FAM107B: variants seen among roughly 807,000 people sequenced by gnomAD.
FAM107B encodes the protein family with sequence similarity 107 member B.
A neutral mutation model predicts 31.5 loss-of-function variants in FAM107B; 21 were observed. The ratio of observed to expected loss-of-function variants is 0.67; its 90% CI spans 0.47 to 0.96. The LOEUF (loss-of-function observed/expected upper bound fraction) is 0.96. FAM107B is among the 40% of genes least tolerant of loss of function. The probability of loss-of-function intolerance (pLI) is 0.00; values close to 1 mark genes in which losing one functional copy is unlikely to be tolerated. For synonymous variants in FAM107B, 157 were observed against 141.5 expected (o/e 1.11, Z -0.78); for missense variants, 452 against 377.1 (o/e 1.20, Z -1.64).
At chr10:14,592,542 C>G (rs1467546456) in intron 2 of FAM107B, among the ~76,000 whole-genome samples, 1 of 152,086 alleles carries the variant, frequency 6.6e-6, no homozygotes. Flanking sequence ...GCATTTCTAC[C>G]CAGGGGTTTT....
intron 1 of FAM107B, among the ~76,000 whole-genome samples, chr10:14,757,412 C>T (rs1433524347): frequency 6.6e-6 from 1 of 151,866 alleles, no homozygotes; most frequent in East Asian, 1.9e-4. Flanking sequence ...GCCCCTATAA[C>T]TGCATGGATC....
At chr10:14,538,914 C>T (rs1260432959) in intron 2 of FAM107B, among the ~76,000 whole-genome samples, 1 of 152,190 alleles carries the variant, frequency 6.6e-6, no homozygotes, top group East Asian at 1.9e-4. Context: ...AATTATTTAA[C>T]CTGAGTCTTG....
At chr10:14,759,780 C>G (rs1011145446) in intron 1 of FAM107B, among the ~76,000 whole-genome samples, 1 of 151,664 alleles carries the variant, frequency 6.6e-6, no homozygotes, top group African/African-American at 2.4e-5. Flanking sequence ...AGTGCGATCT[C>G]GGTTCACTGC....
chr10:14,588,703 C>A (rs1851922162), intron 2 of FAM107B, among the ~76,000 whole-genome samples: 1 of 152,120 alleles, frequency 6.6e-6, no homozygotes, highest in South Asian at 2.1e-4. Flanking sequence ...TCCACTCCTC[C>A]CCACCCATCA....
At chr10:14,576,848 A>G (rs1466182894) in intron 2 of FAM107B, among the ~76,000 whole-genome samples, 2 of 152,344 alleles carry the variant, frequency 1.3e-5, no homozygotes, top group East Asian at 3.9e-4. Context: ...AGAAATGATT[A>G]GATCCCTGAA....
intron 2 of FAM107B, among the ~76,000 whole-genome samples, chr10:14,639,914 CTTAACT>C (rs769772298): frequency 1.8e-4 from 28 of 152,214 alleles, no homozygotes; most frequent in African/African-American, 5.1e-4. Flanking sequence ...AAAGGCTTAT[CTTAACT>C]TTAACTTTAA....
intron 1 of FAM107B, among the ~76,000 whole-genome samples, chr10:14,704,440 T>C (rs911614312): frequency 6.6e-6 from 1 of 152,188 alleles, no homozygotes; most frequent in Admixed American, 6.5e-5. Flanking sequence ...AAAAATATTG[T>C]GTGGTTGTAG....
intron 2 of FAM107B, among the ~76,000 whole-genome samples, chr10:14,632,610 CAA>C (rs5783414): frequency 5.0e-4 from 45 of 90,512 alleles, no homozygotes; most frequent in East Asian, 1.4e-3. Context: ...GACTCTGTCT[CAA>C]AAAAAAAAAA....
At chr10:14,597,044 C>G (rs1046142541) in intron 2 of FAM107B, among the ~76,000 whole-genome samples, 3 of 152,142 alleles carry the variant, frequency 2.0e-5, no homozygotes, top group Admixed American at 6.5e-5. Flanking sequence ...CTCTCTCTTT[C>G]CGATACACTA....
intron 1 of FAM107B, among the ~76,000 whole-genome samples, chr10:14,734,504 T>A (rs1856252090): frequency 6.6e-6 from 1 of 151,872 alleles, no homozygotes; most frequent in Non-Finnish European, 1.5e-5. Flanking sequence ...TTTTTTTTTT[T>A]AGCTCATCAG....
chr10:14,717,668 G>T (rs1177173444), intron 1 of FAM107B, among the ~76,000 whole-genome samples: 1 of 152,206 alleles, frequency 6.6e-6, no homozygotes. Context: ...CTGCCAGCCA[G>T]TTGGATGGTG....
chr10:14,546,611 T>C (rs112128277), intron 2 of FAM107B, among the ~76,000 whole-genome samples: 56 of 152,356 alleles, frequency 3.7e-4, no homozygotes, highest in Admixed American at 9.8e-4. Flanking sequence ...ATTATTACCA[T>C]TGAGCAGCTA....
At chr10:14,707,107 C>A (rs571382747) in intron 1 of FAM107B, among the ~76,000 whole-genome samples, 26 of 151,674 alleles carry the variant, frequency 1.7e-4, no homozygotes, top group Middle Eastern at 3.4e-3. Flanking sequence ...GCCTGGGCGA[C>A]AGAGCAAGAC....
In FAM107B at chr10:14,618,908, T is replaced by A. The variant is rs552602987; in HGVS notation, c.469+48726A>T. On this transcript the variant is annotated intron_variant, in intron 2 of 4. Coordinates refer to ENST00000181796, the MANE Select transcript of FAM107B (RefSeq NM_031453.4). ...GGAGTACGGTGGCCCTTAATCTGAC[T>A]GGTAAGTATCCTCATAAGAGGAGAC... 3.3e-5 allele frequency among the ~76,000 whole-genome samples: 5 copies of A among 152,182 alleles called. 1 individual carries two copies. In the East Asian group the frequency reaches 9.6e-4, roughly 29 times the overall value.
chr10:14,754,944 T>C (rs1832899392), intron 1 of FAM107B, among the ~76,000 whole-genome samples: 1 of 152,216 alleles, frequency 6.6e-6, no homozygotes, highest in Admixed American at 6.5e-5. Flanking sequence ...AAGTAGTTCT[T>C]AACACCAAGC....
intron 2 of FAM107B, among the ~76,000 whole-genome samples, chr10:14,590,892 G>A (rs1341276556): frequency 6.7e-6 from 1 of 150,250 alleles, no homozygotes; most frequent in Non-Finnish European, 1.5e-5. Context: ...GAGAGGCTGA[G>A]GCAGGAGAAT....
In FAM107B at chr10:14,528,891, T is replaced by C. The variant is rs1223514590; in HGVS notation, c.653+1441A>G. On this transcript the variant is annotated intron_variant, in intron 3 of 4. Coordinates refer to ENST00000181796, the MANE Select transcript of FAM107B (RefSeq NM_031453.4). Reference sequence around the variant, plus strand: ...ACACTTATTCTGCAAATGTTGGTTTTACTCTGACCTTTATTCTGACTTGGA... The same window carrying C: ...ACACTTATTCTGCAAATGTTGGTTTCACTCTGACCTTTATTCTGACTTGGA... 2.0e-5 allele frequency among the ~76,000 whole-genome samples: 3 copies of C among 152,370 alleles called. No homozygotes were observed. In the East Asian group the frequency reaches 5.8e-4, roughly 29 times the overall value.
chr10:14,699,388 C>T (rs1564629836), intron 1 of FAM107B, among the ~76,000 whole-genome samples: 1 of 152,100 alleles, frequency 6.6e-6, no homozygotes, highest in South Asian at 2.1e-4. Flanking sequence ...GTGGTGTAGT[C>T]CCAGAGCAAG....
chr10:14,571,931 G>A (rs1851260499), intron 2 of FAM107B: 1 of 985,294 alleles, frequency 1.0e-6, no homozygotes, highest in Admixed American at 6.1e-5. Flanking sequence ...CACCTCAGTA[G>A]ATATAGGCAG....
Sources: allele counts gnomAD v4.1 joint callset (sites outside exome capture counted in the v4.1 genomes callset), GRCh38; gene constraint gnomAD v4.1.1; transcripts MANE v1.5; gene names NCBI Gene and HGNC (gene_info 2026-07-23, HGNC 2026-07-21).